The following ACOXL variants were observed in gnomAD, a reference collection of about 807,000 sequenced individuals.
ACOXL encodes the protein acyl-CoA oxidase like.
ACOXL carries 70 observed loss-of-function variants against 71.9 expected under a neutral mutation model. The ratio of observed to expected loss-of-function variants is 0.97; its 90% CI spans 0.80 to 1.19. The LOEUF is 1.19. Ranked by LOEUF, ACOXL falls within the 50% of genes most tolerant of loss-of-function variation. The pLI, the probability that ACOXL is intolerant of heterozygous loss-of-function variation, is 0.00. For synonymous variants in ACOXL, 253 were observed against 281.6 expected (o/e 0.90, Z 1.02); for missense variants, 703 against 736.3 (o/e 0.95, Z 0.52).
intron 12 of ACOXL, among the ~76,000 whole-genome samples, chr2:110,942,058 A>G (rs1401770579): frequency 6.6e-6 from 1 of 152,096 alleles, no homozygotes; most frequent in Non-Finnish European, 1.5e-5. Flanking sequence ...AAAAGAAAGT[A>G]CACTATTGTG....
intron 14 of ACOXL, among the ~76,000 whole-genome samples, chr2:111,030,506 A>T (rs1041256753): frequency 2.6e-5 from 4 of 152,208 alleles, no homozygotes; most frequent in African/African-American, 7.2e-5. Context: ...TTGCTAAATT[A>T]TACATGGGTA....
chr2:110,969,682 A>G (rs560232105), intron 12 of ACOXL, among the ~76,000 whole-genome samples: 1 of 152,104 alleles, frequency 6.6e-6, no homozygotes, highest in South Asian at 2.1e-4. Context: ...GTGATGGTGC[A>G]CATCTGTAAT....
At chr2:110,886,859 C>A in intron 10 of ACOXL, 1 of 1,550,842 alleles carries the variant, frequency 6.4e-7, no homozygotes, top group Non-Finnish European at 8.7e-7. Flanking sequence ...AGGCTAATTT[C>A]CTGAAAACTG....
chr2:110,916,935 A>C (rs1268437323), intron 11 of ACOXL, among the ~76,000 whole-genome samples: 1 of 152,230 alleles, frequency 6.6e-6, no homozygotes, highest in East Asian at 1.9e-4. Flanking sequence ...CAACCAAAAA[A>C]ACCCAGGACC....
In ACOXL at chr2:110,793,586, G is replaced by A. The variant is rs146351862; in HGVS notation, c.160-64G>A. The stretch of plus-strand genomic sequence containing the variant: ...TGCTCCCTGATTGGAGTTTGGCCGT[G>A]GATTTAATTGTCTTTAGATTGCTGA... On this transcript the variant is annotated intron_variant, in intron 3 of 17. Transcript: ENST00000439055. The A allele has an allele frequency of 1.3e-4, 188 of 1,477,994 alleles. 2 individuals are homozygous for A. The East Asian group carries it at 4.2e-3, about 33-fold the overall frequency. The allele number at this position is 1,477,994 out of a possible 1,614,324, so 91.6% of individuals were successfully genotyped here. A position where few individuals can be genotyped will look rare whatever the true frequency, so the allele number is the denominator to read the frequency against.
rs571351648 is a variant in ACOXL, at chr2:110,746,587, G to A, written c.-23+13813G>A. On this transcript the variant is annotated intron_variant, in intron 1 of 17. Coordinates refer to ENST00000439055, the MANE Select transcript of ACOXL (RefSeq NM_001142807.4). Reference sequence around the variant, plus strand: ...ATGAGGGGGCTTCCTCCACATGTACGTCGAATGGATTTGTTGTTGAAGACG... The same window carrying A: ...ATGAGGGGGCTTCCTCCACATGTACATCGAATGGATTTGTTGTTGAAGACG... Among the ~76,000 whole-genome samples the A allele has an allele frequency of 3.3e-5, 5 of 152,238 alleles. No individual in the cohort carries two copies. In the South Asian group the frequency reaches 8.3e-4, roughly 25 times the overall value.
intron 2 of ACOXL, among the ~76,000 whole-genome samples, chr2:110,783,720 C>A (rs1013057325): frequency 4.6e-5 from 7 of 152,176 alleles, no homozygotes; most frequent in Non-Finnish European, 8.8e-5. Context: ...CATGCACACA[C>A]ATGTACATAC....
At chr2:111,091,442 G>A (rs2068518001) in intron 16 of ACOXL, among the ~76,000 whole-genome samples, 1 of 152,078 alleles carries the variant, frequency 6.6e-6, no homozygotes, top group Admixed American at 6.5e-5. Context: ...TTATATTTTT[G>A]TATACCTGAG....
At chr2:110,856,995 A>G (rs951339862) in intron 10 of ACOXL, among the ~76,000 whole-genome samples, 2 of 152,202 alleles carry the variant, frequency 1.3e-5, no homozygotes, top group Non-Finnish European at 2.9e-5. Context: ...GTTATTTCGT[A>G]TCAGGTAGGA....
intron 3 of ACOXL, among the ~76,000 whole-genome samples, chr2:110,785,702 C>T (rs566517248): frequency 9.2e-5 from 14 of 152,026 alleles, no homozygotes; most frequent in Non-Finnish European, 1.5e-4. Flanking sequence ...CAGGATTTTG[C>T]TAATGTGAAA....
intron 3 of ACOXL, among the ~76,000 whole-genome samples, chr2:110,786,622 T>G (rs970942307): frequency 2.6e-5 from 4 of 152,176 alleles, no homozygotes; most frequent in Non-Finnish European, 5.9e-5. Context: ...CTCCGTGGAT[T>G]GTGACCATGA....
chr2:110,794,150 A>C lies in ACOXL; in HGVS notation c.321A>C (p.Glu107Asp), dbSNP rs1279442269. The C allele has an allele frequency of 6.2e-7, 1 of 1,614,052 alleles. No homozygotes were observed. The highest frequency in any genetic ancestry group is 1.3e-5 in the African/African-American group (1 of 74,932). ...HGSNARGIQT[E>D]ATFDLSAQEF... ...GCAACGCGAGAGGGATCCAGACCGA[A>C]GCCACCTTTGACCTCTCTGCCCAGG... The change falls in exon 5 of 18, where the codon GAA becomes GAC. Residue 107 changes from glutamate to aspartate, a missense_variant. Coordinates refer to ENST00000439055, the MANE Select transcript of ACOXL (RefSeq NM_001142807.4).
intron 2 of ACOXL, among the ~76,000 whole-genome samples, chr2:110,777,067 A>G (rs948843212): frequency 6.6e-6 from 1 of 152,156 alleles, no homozygotes; most frequent in African/African-American, 2.4e-5. Flanking sequence ...CTAGAAGGAT[A>G]GGGTCACCGT....
chr2:110,955,570 A>T (rs924324930), intron 12 of ACOXL, among the ~76,000 whole-genome samples: 27 of 152,184 alleles, frequency 1.8e-4, no homozygotes, highest in African/African-American at 5.3e-4. Flanking sequence ...TTGCACCTAA[A>T]CTAACATAAA....
At position 111,118,031 on chromosome 2, in the gene ACOXL, T is replaced by A. The variant is rs994456542; in HGVS notation, c.*215T>A. ...ACGGTCGCCTGGTGCGCTGGATCCC[T>A]GTGCCCTTTCCCTGAAACCCAGCCT... On this transcript the variant is annotated 3_prime_UTR_variant, in exon 18 of 18. Coordinates refer to ENST00000439055, the MANE Select transcript of ACOXL (RefSeq NM_001142807.4). The A allele has an allele frequency of 4.8e-6, 3 of 618,704 alleles. No individual in the cohort carries two copies. Among genetic ancestry groups the A allele is most frequent in the Admixed American group, 3.0e-5 (1 of 33,556 alleles). 38.3% of individuals were successfully genotyped at this position (618,704 alleles called of 1,614,324 possible). A position where few individuals can be genotyped will look rare whatever the true frequency, so the allele number is the denominator to read the frequency against.
intron 9 of ACOXL, among the ~76,000 whole-genome samples, chr2:110,830,339 A>T (rs1264034557): frequency 1.3e-5 from 2 of 152,204 alleles, no homozygotes; most frequent in Non-Finnish European, 2.9e-5. Context: ...TATTGTACGC[A>T]TCTACATTGT....
intron 10 of ACOXL, among the ~76,000 whole-genome samples, chr2:110,861,404 G>A (rs950470321): frequency 2.6e-5 from 4 of 151,914 alleles, no homozygotes; most frequent in East Asian, 1.9e-4. Flanking sequence ...GGCTTTTCCC[G>A]GTGGGACAGA....
rs552815670 is a variant in ACOXL at position 110,850,323 on chromosome 2, G to C, written c.788+8918G>C. ...ACACTGCAAAGAAATAAAAAGACAAGCCACACATGGGGACAAAATATTTGT... is the reference window on the plus strand; with the variant it reads ...ACACTGCAAAGAAATAAAAAGACAACCCACACATGGGGACAAAATATTTGT... On this transcript the variant is annotated intron_variant, in intron 10 of 17. Coordinates refer to ENST00000439055, the MANE Select transcript of ACOXL (RefSeq NM_001142807.4). 2.6e-5 allele frequency among the ~76,000 whole-genome samples: 4 copies of C among 152,234 alleles called. No individual in the cohort carries two copies. The East Asian group carries it at 7.7e-4, about 29-fold the overall frequency.
At chr2:110,831,692 C>T (rs1423014128) in intron 9 of ACOXL, among the ~76,000 whole-genome samples, 1 of 152,140 alleles carries the variant, frequency 6.6e-6, no homozygotes, top group Non-Finnish European at 1.5e-5. Flanking sequence ...TATATAGCTA[C>T]AGAAATCAAG....
Sources: allele counts gnomAD v4.1 joint callset (sites outside exome capture counted in the v4.1 genomes callset), GRCh38; gene constraint gnomAD v4.1.1; transcripts MANE v1.5; gene names NCBI Gene and HGNC (gene_info 2026-07-23, HGNC 2026-07-21).